Variants in NUDT5 observed in about 807,000 individuals in gnomAD.
NUDT5 encodes ADP-sugar pyrophosphatase.
Under a neutral mutation model 34.1 loss-of-function variants are expected in NUDT5, and 21 were observed. That is an observed-to-expected ratio of 0.62 (90% confidence interval 0.44 to 0.89). The LOEUF is 0.89. Among genes scored for constraint, NUDT5 ranks in the 40% least tolerant of loss-of-function variants. The pLI is 0.00. For missense variants in NUDT5, 249 were observed against 274.8 expected (o/e 0.91, Z 0.66); for synonymous variants, 85 against 97.6 (o/e 0.87, Z 0.76).
At chr10:12,189,178 T>G (rs1835180115) in intron 1 of NUDT5, among the ~76,000 whole-genome samples, 2 of 152,202 alleles carry the variant, frequency 1.3e-5, no homozygotes, top group South Asian at 4.1e-4. Flanking sequence ...TGATCTCGGC[T>G]CACTGCAACC....
intron 2 of NUDT5, among the ~76,000 whole-genome samples, chr10:12,185,297 ATGGTCTGTCCCCTGACC>A (rs1036795734): frequency 2.6e-5 from 4 of 152,200 alleles, no homozygotes; most frequent in African/African-American, 7.2e-5. Flanking sequence ...GACGCTCCTG[ATGGTCTGTCCCCTGACC>A]TGGGTGCATA....
rs559845815 is a variant in NUDT5, at chr10:12,180,090, G to A, written c.132-958C>T. ...GTAAGAGCTGCAAGATATCCTCCTCGGAACCCTCCTGCTCATGCTTCCTAT... is the reference window on the plus strand; with the variant it reads ...GTAAGAGCTGCAAGATATCCTCCTCAGAACCCTCCTGCTCATGCTTCCTAT... On this transcript the variant is annotated intron_variant, in intron 3 of 9. Transcript: ENST00000491614. Among the ~76,000 whole-genome samples, 10 of 152,246 alleles carry A rather than the reference G, an allele frequency of 6.6e-5. No individual in the cohort carries two copies. In the South Asian group the frequency reaches 1.2e-3, roughly 19 times the overall value.
chr10:12,184,891 A>G lies in NUDT5; in HGVS notation c.129T>C (p.Thr43=). 6.4e-7 allele frequency: 1 copy of G among 1,567,090 alleles called. No homozygotes were observed. The highest frequency in any genetic ancestry group is 8.7e-7 in the Non-Finnish European group (1 of 1,148,324). ...TGTAAGAAAAAAAAAAAGTTTACCT[A>G]GTTTTACCAGTAGGATCCATGTACG... is the stretch of plus-strand genomic sequence containing the variant. ...KTTYMDPTGK[T]RTWESVKRTT... Residue 43 remains threonine, a splice_region_variant and synonymous_variant, in exon 3 of 10, where the codon ACT becomes ACC. Coordinates refer to ENST00000491614, the MANE Select transcript of NUDT5 (RefSeq NM_014142.4).
At position 12,167,770 on chromosome 10, in the gene NUDT5, A is replaced by T; in HGVS notation, c.592T>A (p.Tyr198Asn). 1.9e-6 allele frequency: 3 copies of T among 1,614,210 alleles called. No homozygotes were observed. Among genetic ancestry groups the T allele is most frequent in the Non-Finnish European group, 2.5e-6 (3 of 1,180,026 alleles). ...EEHLTVDARV[Y>N]SYALALKHAN... ...TGTTTCAGTGCTAGAGCGTAGGAAT[A>T]GACCCTGGCGTCCACTGTGAGATGT... The change falls in exon 10 of 10, where the codon TAT becomes AAT. Residue 198 changes from tyrosine to asparagine, a missense_variant. Tyr to Asn is a moderately radical substitution (Grantham distance 143). Coordinates refer to ENST00000491614, the MANE Select transcript of NUDT5 (RefSeq NM_014142.4).
chr10:12,173,652 C>T lies in NUDT5; in HGVS notation c.385+66G>A. On this transcript the variant is annotated intron_variant, in intron 6 of 9. Transcript: ENST00000491614. The surrounding 1 kb of genome is among the most constrained non-coding windows in gnomAD (Gnocchi z 4.7). ...AGTGAATTCTGAGCGTAAAGAACAC[C>T]CAAATAATCAATCCCTTCCCAGACG... The T allele has an allele frequency of 2.5e-6, 3 of 1,207,070 alleles. No individual in the cohort carries two copies. The highest frequency in any genetic ancestry group is 3.7e-6 in the Non-Finnish European group (3 of 809,626). 74.8% of individuals were successfully genotyped at this position (1,207,070 alleles called of 1,614,324 possible). A position where few individuals can be genotyped will look rare whatever the true frequency, so the allele number is the denominator to read the frequency against.
chr10:12,179,525 A>G (rs1835011808), intron 3 of NUDT5, among the ~76,000 whole-genome samples: 1 of 152,254 alleles, frequency 6.6e-6, no homozygotes. Flanking sequence ...GTCTCTAGGA[A>G]CAAAAGCTAC....
intron 5 of NUDT5, among the ~76,000 whole-genome samples, chr10:12,177,435 C>A (rs1834970557): frequency 6.6e-6 from 1 of 152,024 alleles, no homozygotes; most frequent in Non-Finnish European, 1.5e-5. Context: ...AGGAGAATTG[C>A]TTGAACCCAG....
At chr10:12,192,565 A>G (rs1835249830) in intron 1 of NUDT5, among the ~76,000 whole-genome samples, 1 of 152,152 alleles carries the variant, frequency 6.6e-6, no homozygotes. Context: ...TTAAAAGATA[A>G]TATTCTGGCC....
chr10:12,189,123 T>G (rs1424203436), intron 1 of NUDT5, among the ~76,000 whole-genome samples: 17 of 152,236 alleles, frequency 1.1e-4, no homozygotes, highest in Non-Finnish European at 2.5e-4. Flanking sequence ...CTTTTTTTTT[T>G]GAGATGGAGT....
intron 1 of NUDT5, among the ~76,000 whole-genome samples, chr10:12,192,447 G>A (rs892978406): frequency 2.0e-5 from 3 of 152,172 alleles, no homozygotes; most frequent in Non-Finnish European, 4.4e-5. Flanking sequence ...CATTCTGGCA[G>A]AATAATTACA....
chr10:12,185,580 C>T (rs1487573175), intron 2 of NUDT5, among the ~76,000 whole-genome samples: 1 of 152,208 alleles, frequency 6.6e-6, no homozygotes, highest in Non-Finnish European at 1.5e-5. Context: ...AGCGTCACTG[C>T]GTATAAAGCA....
Position 12,166,497 on chromosome 10 carries a change from T to TA in NUDT5, c.*1204dup, listed in dbSNP as rs1667007041. The TA allele has an allele frequency of 3.5e-6, 1 of 285,714 alleles. No homozygotes were observed. Among genetic ancestry groups the TA allele is most frequent in the Admixed American group, 4.5e-5 (1 of 21,998 alleles). The allele number at this position is 285,714 out of a possible 1,614,324, so 17.7% of individuals were successfully genotyped here. ...TTTAGGAAGTCCAGTGTAAAGATCT[T>TA]ACAGTTTCACTCATAAAAATATCCT... is the stretch of plus-strand genomic sequence containing the variant. On this transcript the variant is annotated 3_prime_UTR_variant, in exon 10 of 10. Coordinates refer to ENST00000491614, the MANE Select transcript of NUDT5 (RefSeq NM_014142.4).
In NUDT5 at chr10:12,184,420, C is replaced by T. The variant is rs377235655; in HGVS notation, c.131+469G>A. On this transcript the variant is annotated intron_variant, in intron 3 of 9. Transcript: ENST00000491614. ...AAAGGGTACAGTATCTTTAGGGCTA[C>T]TGACACATATTATGAAATAGGGTGT... 3.0e-6 allele frequency: 4 copies of T among 1,347,518 alleles called. No homozygotes were observed. The East Asian group carries it at 1.0e-4, about 34-fold the overall frequency. The allele number at this position is 1,347,518 out of a possible 1,614,324, so 83.5% of individuals were successfully genotyped here.
At chr10:12,185,802 A>C (rs1835116980) in intron 2 of NUDT5, among the ~76,000 whole-genome samples, 1 of 152,214 alleles carries the variant, frequency 6.6e-6, no homozygotes, top group Non-Finnish European at 1.5e-5. Flanking sequence ...ATTGAATAAC[A>C]CAGAGACATA....
chr10:12,172,060 T>C (rs1564422393), intron 7 of NUDT5, among the ~76,000 whole-genome samples: 2 of 152,104 alleles, frequency 1.3e-5, no homozygotes, highest in Non-Finnish European at 2.9e-5. Flanking sequence ...AGTGGGATAC[T>C]GAAACATAAA....
At chr10:12,189,885 T>C (rs1231800297) in intron 1 of NUDT5, among the ~76,000 whole-genome samples, 1 of 131,318 alleles carries the variant, frequency 7.6e-6, no homozygotes, top group East Asian at 2.2e-4. Flanking sequence ...CGATGTTGAG[T>C]GTTCTACAAT....
In NUDT5 at chr10:12,171,003, T is replaced by TA. The variant is rs1400275240; in HGVS notation, c.488-96_488-95insT. 6 of 1,323,938 alleles carry TA rather than the reference T, an allele frequency of 4.5e-6. No homozygotes were observed. The highest frequency in any genetic ancestry group is 6.3e-6 in the Non-Finnish European group (6 of 945,644). 82.0% of individuals were successfully genotyped at this position (1,323,938 alleles called of 1,614,324 possible). ...GAGGCGTCAAAAAGGCTTTGAGAAT[T>TA]TCACAGAAGCCTGGGTTTCTGCTAA... On this transcript the variant is annotated intron_variant, in intron 7 of 9. Transcript: ENST00000491614. The surrounding 1 kb of genome is among the most constrained non-coding windows in gnomAD (Gnocchi z 4.2).
At chr10:12,177,388 G>T (rs569070263) in intron 5 of NUDT5, among the ~76,000 whole-genome samples, 2 of 150,088 alleles carry the variant, frequency 1.3e-5, no homozygotes, top group Non-Finnish European at 3.0e-5. Context: ...GCGTGGTGGC[G>T]GGCGCCTGTA....
Position 12,167,644 on chromosome 10 carries a change from C to T in NUDT5, c.*58G>A. On this transcript the variant is annotated 3_prime_UTR_variant, in exon 10 of 10. Transcript: ENST00000491614. ...CATTAAACTAAGTTGAATACAAAGT[C>T]TTAGTGAAGAAGGCCTGGTGGTCTC... The T allele has an allele frequency of 1.3e-6, 2 of 1,501,854 alleles. No individual in the cohort carries two copies. The highest frequency in any genetic ancestry group is 1.1e-5 in the South Asian group (1 of 87,408). 93.0% of individuals were successfully genotyped at this position (1,501,854 alleles called of 1,614,324 possible). A position where few individuals can be genotyped will look rare whatever the true frequency, so the allele number is the denominator to read the frequency against.
Sources: gnomAD v4.1 joint callset for allele counts (sites outside exome capture counted in the v4.1 genomes callset) on GRCh38, gnomAD v4.1.1 for gene constraint, Gnocchi (gnomAD v3.1) non-coding constraint, MANE v1.5 for transcripts, NCBI Gene and HGNC (gene_info 2026-07-23, HGNC 2026-07-21) for gene names.